The following RRP12 variants were observed in gnomAD, a reference collection of about 807,000 sequenced individuals.
RRP12 encodes the protein ribosomal RNA processing 12 homolog.
Under a neutral mutation model 157.3 loss-of-function variants are expected in RRP12, and 78 were observed. That is an observed-to-expected ratio of 0.50 (90% CI 0.41 to 0.60). The LOEUF is 0.60. Among genes scored for constraint, RRP12 ranks in the 20% least tolerant of loss-of-function variants. The probability of loss-of-function intolerance (pLI) is 0.00; values close to 1 mark genes in which losing one functional copy is unlikely to be tolerated. For synonymous variants in RRP12, 726 were observed against 670.9 expected, an observed-to-expected ratio of 1.08 and a Z score of -1.27; for missense variants, 1,521 against 1,679.9, an observed-to-expected ratio of 0.91 and a Z score of 1.65.
In RRP12 at chr10:97,357,193, C is replaced by T; in HGVS notation, c.3795G>A (p.Lys1265=). 1 of 1,603,062 alleles carries T rather than the reference C, an allele frequency of 6.2e-7. No homozygotes were observed. The highest frequency in any genetic ancestry group is 8.5e-7 in the Non-Finnish European group (1 of 1,171,792). Residue 1265 remains lysine (K), a synonymous_variant, in exon 34 of 34, where the codon AAG becomes AAA. Coordinates refer to ENST00000370992, the MANE Select transcript of RRP12 (RefSeq NM_015179.4). ...PLNRSKLNRR[K]KMKLQGQFKG... ...TGAACTGTCCCTGCAGCTTCATCTT[C>T]TTCCTGCAGGGCCAAGGAACGGAAG...
chr10:97,370,331 G>A (rs1431630068), intron 23 of RRP12, 57 bp from the exon 24 acceptor site: 1 of 1,409,572 alleles, frequency 7.1e-7, no homozygotes, highest in Non-Finnish European at 9.8e-7. Flanking sequence ...TAGGGGGGCT[G>A]AGGGCCAGAG....
intron 4 of RRP12, among the ~76,000 whole-genome samples, chr10:97,391,906 C>T (rs1351327254): frequency 6.6e-6 from 1 of 151,850 alleles, no homozygotes; most frequent in Non-Finnish European, 1.5e-5. Context: ...GGCAACAGAG[C>T]GAGACTCTGT....
At chr10:97,372,935 C>A in intron 18 of RRP12, 111 bp downstream of exon 18, 1 of 1,449,768 alleles carries the variant, frequency 6.9e-7, no homozygotes, top group Non-Finnish European at 9.4e-7. Flanking sequence ...CTGGTATGTG[C>A]TCCAAAACAC....
At position 97,401,214 on chromosome 10, in the gene RRP12, C is replaced by T; in HGVS notation, c.18G>A (p.Lys6=). 2 of 1,614,190 alleles carry T rather than the reference C, an allele frequency of 1.2e-6. No individual in the cohort carries two copies. The highest frequency in any genetic ancestry group is 1.7e-6 in the Non-Finnish European group (2 of 1,180,028). MGRSG[K]LPSGVSAKLK... ...ACTTAGCTGAGACACCAGAAGGCAA[C>T]TTTCCCGAGCGACCCATGTTGACTA... Residue 6 remains lysine (K), a synonymous_variant, in exon 1 of 34, where the codon AAG becomes AAA. Transcript: ENST00000370992.
Position 97,366,539 on chromosome 10 carries a change from G to C in RRP12, c.3298C>G (p.Leu1100Val). ...CATGCCCGGCTCCTCTGTCGTGCCA[G>C]CTTCCGCTGCTCCTTGCCTCGGCTT... ...ERSRGKEQRKLARQRSRAWLK... is the reference protein window; with the variant it reads ...ERSRGKEQRKVARQRSRAWLK... The change falls in exon 28 of 34, where the codon CTG (leucine) becomes GTG (valine). Residue 1100 changes from leucine (L) to valine (V), a missense_variant. Leu to Val is a conservative substitution (Grantham distance 32, BLOSUM62 1). Transcript: ENST00000370992. The C allele has an allele frequency of 6.2e-7, 1 of 1,614,102 alleles. No individual in the cohort carries two copies. Among genetic ancestry groups the C allele is most frequent in the Non-Finnish European group, 8.5e-7 (1 of 1,180,044 alleles).
intron 9 of RRP12, 79 bp downstream of exon 9, chr10:97,385,816 C>T (rs1844615013): frequency 9.5e-7 from 1 of 1,047,946 alleles, no homozygotes; most frequent in African/African-American, 1.6e-5. Flanking sequence ...AGACAAGGCG[C>T]AGGGCCAGTG....
chr10:97,367,961 A>G (rs1844036789), intron 25 of RRP12, among the ~76,000 whole-genome samples: 1 of 150,800 alleles, frequency 6.6e-6, no homozygotes, highest in African/African-American at 2.4e-5. Flanking sequence ...TGAACTCCCA[A>G]CCTCAGGCGA....
chr10:97,356,985 T>C lies in RRP12; in HGVS notation c.*109A>G. 1 of 648,872 alleles carries C rather than the reference T, an allele frequency of 1.5e-6. No homozygotes were observed. Among genetic ancestry groups the C allele is most frequent in the African/African-American group, 1.9e-5 (1 of 54,048 alleles). The allele number at this position is 648,872 out of a possible 1,614,324, so 40.2% of individuals were successfully genotyped here. The stretch of plus-strand genomic sequence containing the variant: ...GCCAAGCCCTAGTTCCAAGTCATCC[T>C]GAGTCCAGGCTCTGCCAGAATCTTG... On this transcript the variant is annotated 3_prime_UTR_variant, in exon 34 of 34. Coordinates refer to ENST00000370992, the MANE Select transcript of RRP12 (RefSeq NM_015179.4).
At chr10:97,367,462 A>G in intron 25 of RRP12, 1 of 360,972 alleles carries the variant, frequency 2.8e-6, no homozygotes, top group South Asian at 3.2e-5. Flanking sequence ...CCCTATTTAT[A>G]GAAGAGGACA....
intron 4 of RRP12, chr10:97,393,318 C>A (rs567479776): frequency 4.5e-6 from 2 of 443,284 alleles, no homozygotes; most frequent in African/African-American, 4.0e-5. Context: ...GGAAGCACTG[C>A]AGGCCCTATA....
intron 31 of RRP12, 81 bp from the exon 32 acceptor site, chr10:97,359,091 A>G: frequency 9.4e-7 from 1 of 1,058,470 alleles, no homozygotes; most frequent in Non-Finnish European, 1.4e-6. Context: ...CCTCTCTGAG[A>G]GAGCTGCAAG....
downstream of RRP12, chr10:97,356,578 T>C (rs1369947056): frequency 6.6e-6 from 1 of 152,472 alleles, no homozygotes; most frequent in Non-Finnish European, 1.5e-5. Context: ...CAAAGCCTTA[T>C]GATATGCCCT....
Position 97,373,200 on chromosome 10 carries a change from T to C in RRP12, c.2027A>G (p.Glu676Gly). 6.2e-7 allele frequency: 1 copy of C among 1,613,978 alleles called. No individual in the cohort carries two copies. The highest frequency in any genetic ancestry group is 8.5e-7 in the Non-Finnish European group (1 of 1,179,940). The change falls in exon 18 of 34, where the codon GAG becomes GGG. Residue 676 changes from glutamate (E) to glycine (G), a missense_variant and splice_region_variant. Coordinates refer to ENST00000370992, the MANE Select transcript of RRP12 (RefSeq NM_015179.4). ...GCGACTCACTTCAGCACGGTCAGCC[T>C]CTGGTAAAAGGATCAAAGTTTGCAC... Reference protein sequence around the residue: ...RTLITKGCQAEADRAEVSRFA... With the variant: ...RTLITKGCQAGADRAEVSRFA...
rs575138893 is a variant in RRP12 at position 97,395,214 on chromosome 10, A to G, written c.453+1004T>C. ...AGTATATATATACACATATACACAC[A>G]CACACACACATACATACATACACAA... On this transcript the variant is annotated intron_variant, in intron 3 of 33. Coordinates refer to ENST00000370992, the MANE Select transcript of RRP12 (RefSeq NM_015179.4). Among the ~76,000 whole-genome samples the G allele has an allele frequency of 3.3e-5, 5 of 152,044 alleles. No homozygotes were observed. The East Asian group carries it at 9.7e-4, about 29-fold the overall frequency.
intron 20 of RRP12, 97 bp downstream of exon 20, chr10:97,371,976 G>A (rs1844168087): frequency 3.9e-6 from 3 of 765,972 alleles, no homozygotes; most frequent in Admixed American, 5.0e-5. Flanking sequence ...ATCTCGGGAA[G>A]CAGCAAGGGA....
In RRP12 at chr10:97,366,817, G is replaced by A. The variant is rs984704000; in HGVS notation, c.3140C>T (p.Ala1047Val). Residue 1047 changes from alanine to valine, a missense_variant, in exon 27 of 34, where the codon GCC becomes GTC. Coordinates refer to ENST00000370992, the MANE Select transcript of RRP12 (RefSeq NM_015179.4). ...KAEARAKRHR[A>V]LSQAAVEEEE... ...CTCCTCCACGGCAGCCTGGCTCAGG[G>A]CTCGGTGCCTCTTGGCCCGGGCCTC... The A allele has an allele frequency of 6.2e-7, 1 of 1,614,190 alleles. No homozygotes were observed.
intron 6 of RRP12, among the ~76,000 whole-genome samples, chr10:97,389,711 T>C (rs1844747036): frequency 6.6e-6 from 1 of 152,050 alleles, no homozygotes; most frequent in Non-Finnish European, 1.5e-5. Flanking sequence ...TGATTATCTC[T>C]ATTTCTTTTT....
At chr10:97,365,105 G>A (rs765165917) in intron 29 of RRP12, among the ~76,000 whole-genome samples, 1 of 152,094 alleles carries the variant, frequency 6.6e-6, no homozygotes, top group Non-Finnish European at 1.5e-5. Flanking sequence ...GCAAGGAAAC[G>A]GAGCTAAGGA....
chr10:97,376,212 CTTTT>C (rs771016888), intron 15 of RRP12, among the ~76,000 whole-genome samples: 11 of 107,528 alleles, frequency 1.0e-4, no homozygotes, highest in East Asian at 5.5e-4. Context: ...CTTTTACTTT[CTTTT>C]TTTTTTTTTT....
Sources: gnomAD v4.1 joint callset for allele counts (sites outside exome capture counted in the v4.1 genomes callset) on GRCh38, gnomAD v4.1.1 for gene constraint, MANE v1.5 for transcripts, NCBI Gene and HGNC (gene_info 2026-07-23, HGNC 2026-07-21) for gene names.